The following FUT8 variants were observed in gnomAD, a reference collection of about 807,000 sequenced individuals.
FUT8 encodes the protein fucosyltransferase 8, also known as alpha-(1,6)-fucosyltransferase.
In FUT8, 29 loss-of-function variants were observed where a neutral mutation model predicts 71.3. The observed-to-expected ratio is 0.41, with a 90% confidence interval of 0.30 to 0.55. The LOEUF (loss-of-function observed/expected upper bound fraction) is 0.55. Ranked by LOEUF, FUT8 falls within the 20% of genes least tolerant of loss-of-function variation. The probability of loss-of-function intolerance (pLI) is 0.34; values close to 1 mark genes in which losing one functional copy is unlikely to be tolerated. For synonymous variants in FUT8, 254 were observed against 239.3 expected, an observed-to-expected ratio of 1.06 and a Z score of -0.57; for missense variants, 544 against 702.1, an observed-to-expected ratio of 0.77 and a Z score of 2.55.
chr14:65,735,776 TC>T (rs1896188863), intron 10 of FUT8, among the ~76,000 whole-genome samples: 1 of 152,172 alleles, frequency 6.6e-6, no homozygotes, highest in Admixed American at 6.5e-5. Flanking sequence ...CAGTGATAAA[TC>T]TTTGAGCTTA....
At position 65,481,544 on chromosome 14, in the gene FUT8, C is replaced by T. The variant is rs896638147; in HGVS notation, c.-228+25826C>T. 7.2e-5 allele frequency among the ~76,000 whole-genome samples: 11 copies of T among 152,094 alleles called. No homozygotes were observed. The East Asian group carries it at 2.1e-3, about 29-fold the overall frequency. ...TTTGATTAGTTTTGACATATGTATA[C>T]ATCTGTGAATCCATACTCATTACCT... is the stretch of plus-strand genomic sequence containing the variant. On this transcript the variant is annotated intron_variant, in intron 2 of 10. Coordinates refer to ENST00000673929, the MANE Select transcript of FUT8 (RefSeq NM_001371533.1).
At chr14:65,465,389 C>T (rs1164085280) in intron 2 of FUT8, among the ~76,000 whole-genome samples, 3 of 152,186 alleles carry the variant, frequency 2.0e-5, no homozygotes, top group Admixed American at 6.5e-5. Context: ...CCAGGCTGGT[C>T]TAGAGCTCCT....
chr14:65,609,704 G>T (rs1566849862), intron 3 of FUT8, among the ~76,000 whole-genome samples: 1 of 151,192 alleles, frequency 6.6e-6, no homozygotes, highest in Non-Finnish European at 1.5e-5. Flanking sequence ...TTAAATTTTT[G>T]TTCATTCATT....
intron 3 of FUT8, among the ~76,000 whole-genome samples, chr14:65,582,794 G>T (rs1232925185): frequency 6.6e-6 from 1 of 152,128 alleles, no homozygotes; most frequent in African/African-American, 2.4e-5. Flanking sequence ...TTAATAAAGT[G>T]AATTAAATGC....
intron 2 of FUT8, among the ~76,000 whole-genome samples, chr14:65,533,506 T>C (rs1052618088): frequency 1.3e-5 from 2 of 152,218 alleles, no homozygotes; most frequent in African/African-American, 4.8e-5. Context: ...ATTTAATTTG[T>C]ATTGTGAAAC....
At chr14:65,631,641 AT>A (rs11330042) in intron 6 of FUT8, among the ~76,000 whole-genome samples, 87,995 of 150,380 alleles carry the variant, frequency 0.59, 26,275 homozygotes, top group Non-Finnish European at 0.65. Flanking sequence ...GGAAAAGGTG[AT>A]TTTTTTTTTT....
chr14:65,530,957 T>C (rs958995861), intron 2 of FUT8, among the ~76,000 whole-genome samples: 2 of 147,612 alleles, frequency 1.4e-5, no homozygotes, highest in East Asian at 4.1e-4. Context: ...AATTTTTTTA[T>C]TGGTAAAAAG....
intron 7 of FUT8, among the ~76,000 whole-genome samples, chr14:65,696,444 G>C (rs1320442809): frequency 6.6e-6 from 1 of 152,122 alleles, no homozygotes; most frequent in Non-Finnish European, 1.5e-5. Flanking sequence ...TTCCTCTCTA[G>C]ATAAGGTTCC....
Position 65,629,475 on chromosome 14 carries a change from G to A in FUT8, c.483-17G>A, listed in dbSNP as rs117401129. 4,395 of 1,542,886 alleles carry A rather than the reference G, an allele frequency of 2.8e-3. 72 individuals carry two copies. In the East Asian group the frequency reaches 0.035, roughly 12 times the overall value. Reference sequence around the variant, plus strand: ...AGTACAGACAAGTTCGATCTCCATTGTTGTTTGTTTTAACAGGTCTATAAT... The same window carrying A: ...AGTACAGACAAGTTCGATCTCCATTATTGTTTGTTTTAACAGGTCTATAAT... On this transcript the variant is annotated splice_polypyrimidine_tract_variant and intron_variant, in intron 5 of 10. Coordinates refer to ENST00000673929, the MANE Select transcript of FUT8 (RefSeq NM_001371533.1).
chr14:65,528,264 C>T (rs928426766), intron 2 of FUT8, among the ~76,000 whole-genome samples: 4 of 152,240 alleles, frequency 2.6e-5, no homozygotes, highest in Non-Finnish European at 5.9e-5. Flanking sequence ...ACCCCTCCCC[C>T]AGCTTCGCTG....
the FUT8 span, among the ~76,000 whole-genome samples, chr14:65,385,776 A>C: frequency 6.6e-6 from 1 of 152,084 alleles, no homozygotes; most frequent in Non-Finnish European, 1.5e-5. Context: ...TCCTGGGCTC[A>C]AGCAATCCAC....
At chr14:65,506,532 A>G (rs2066737242) in intron 2 of FUT8, among the ~76,000 whole-genome samples, 1 of 152,246 alleles carries the variant, frequency 6.6e-6, no homozygotes, top group South Asian at 2.1e-4. Flanking sequence ...TTTGTATAGA[A>G]GGTATGATAA....
rs762893251 is a variant in FUT8, at chr14:65,616,241, G to A, written c.350G>A (p.Arg117Lys). Residue 117 changes from arginine (R) to lysine (K), a missense_variant, in exon 5 of 11, where the codon AGG becomes AAG. Transcript: ENST00000673929. ...GGGAAGGATCATGAAATCCTGAGGA[G>A]GAGGATTGAAAATGGAGCTAAAGAG... ...GLGKDHEILR[R>K]RIENGAKELW... 1 of 1,610,200 alleles carries A rather than the reference G, an allele frequency of 6.2e-7. No homozygotes were observed. Among genetic ancestry groups the A allele is most frequent in the South Asian group, 1.1e-5 (1 of 90,696 alleles).
intron 7 of FUT8, among the ~76,000 whole-genome samples, chr14:65,697,397 G>A (rs1035535172): frequency 3.9e-5 from 6 of 152,122 alleles, no homozygotes; most frequent in African/African-American, 1.2e-4. Context: ...GAAGTGTTCC[G>A]TAGTAATATC....
At chr14:65,442,697 A>G (rs934376765) in intron 1 of FUT8, among the ~76,000 whole-genome samples, 3 of 151,796 alleles carry the variant, frequency 2.0e-5, no homozygotes, top group East Asian at 1.9e-4. Context: ...TTAGCTGGGC[A>G]TGGTGGTACT....
At chr14:65,389,969 C>T in the FUT8 span, among the ~76,000 whole-genome samples, 13 of 150,822 alleles carry the variant, frequency 8.6e-5, no homozygotes, top group East Asian at 1.9e-4. Context: ...GGTGAAACCC[C>T]GTCTCTACTA....
At chr14:65,434,847 T>C (rs1246041307) in intron 1 of FUT8, among the ~76,000 whole-genome samples, 1 of 152,184 alleles carries the variant, frequency 6.6e-6, no homozygotes, top group East Asian at 1.9e-4. Context: ...ACTTTTTTCA[T>C]TTTTAAATTA....
intron 1 of FUT8, among the ~76,000 whole-genome samples, chr14:65,448,918 A>G (rs2065781919): frequency 1.3e-5 from 2 of 152,196 alleles, no homozygotes; most frequent in South Asian, 2.1e-4. Flanking sequence ...TTACACAGCT[A>G]TTTATATGAA....
At chr14:65,403,060 T>C in the FUT8 span, among the ~76,000 whole-genome samples, 1 of 152,254 alleles carries the variant, frequency 6.6e-6, no homozygotes, top group African/African-American at 2.4e-5. Flanking sequence ...GATTCTGTTT[T>C]CATGTTATCT....
Sources: gnomAD v4.1 joint callset for allele counts (sites outside exome capture counted in the v4.1 genomes callset) on GRCh38, gnomAD v4.1.1 for gene constraint, MANE v1.5 for transcripts, NCBI Gene and HGNC (gene_info 2026-07-23, HGNC 2026-07-21) for gene names.